The following RGS7 variants were observed in gnomAD, a reference collection of about 807,000 sequenced individuals.
RGS7 encodes regulator of G protein signaling 7, also known as regulator of G-protein signaling 7.
In RGS7, 27 loss-of-function variants were observed where a neutral mutation model predicts 81.1. That is an observed-to-expected ratio of 0.33 (90% CI 0.25 to 0.46). The LOEUF (loss-of-function observed/expected upper bound fraction) is 0.46. Ranked by LOEUF, RGS7 falls within the 20% of genes least tolerant of loss-of-function variation. The pLI, the probability that RGS7 is intolerant of heterozygous loss-of-function variation, is 1.00. For synonymous variants in RGS7, 208 were observed against 207.7 expected (o/e 1.00, Z -0.01); for missense variants, 396 against 607.4 (o/e 0.65, Z 3.66).
intron 2 of RGS7, among the ~76,000 whole-genome samples, chr1:241,180,461 T>A (rs1454970289): frequency 6.6e-6 from 1 of 152,126 alleles, no homozygotes; most frequent in Non-Finnish European, 1.5e-5. Flanking sequence ...TATGTGTGTG[T>A]TTTGTTCTTC....
chr1:241,353,576 A>G (rs1191168283), intron 2 of RGS7, among the ~76,000 whole-genome samples: 2 of 152,252 alleles, frequency 1.3e-5, no homozygotes, highest in Non-Finnish European at 2.9e-5. Context: ...AGTAAAATGT[A>G]CTGAAAGGAG....
chr1:240,868,103 GA>G lies in RGS7; in HGVS notation c.609+483del, dbSNP rs1323735515. On this transcript the variant is annotated intron_variant, in intron 9 of 18. Transcript: ENST00000440928. The surrounding 1 kb of genome is among the most constrained non-coding windows in gnomAD (Gnocchi z 5.1). ...GAAAGAAAAAGAAAGAAAAGAAAAAGAAAGAAAAGAAAAGGAAAGAAAGAAA... is the reference window on the plus strand; with the variant it reads ...GAAAGAAAAAGAAAGAAAAGAAAAAGAAGAAAAGAAAAGGAAAGAAAGAAA... 7.6e-6 allele frequency among the ~76,000 whole-genome samples: 1 copy of G among 131,444 alleles called. No homozygotes were observed. Among genetic ancestry groups the G allele is most frequent in the Admixed American group, 8.1e-5 (1 of 12,314 alleles). The allele number at this position is 131,444 out of a possible 152,430, so 86.2% of individuals were successfully genotyped here. A position where few individuals can be genotyped will look rare whatever the true frequency, so the allele number is the denominator to read the frequency against.
intron 13 of RGS7, among the ~76,000 whole-genome samples, chr1:240,812,777 A>C (rs1690093430): frequency 6.6e-6 from 1 of 152,156 alleles, no homozygotes; most frequent in South Asian, 2.1e-4. Flanking sequence ...ATGCAGGTAT[A>C]TTGAACTGGG....
At chr1:240,848,714 A>C (rs998340256) in intron 9 of RGS7, among the ~76,000 whole-genome samples, 1 of 152,110 alleles carries the variant, frequency 6.6e-6, no homozygotes, top group African/African-American at 2.4e-5. Flanking sequence ...TGAATAACAC[A>C]GAAGTTGGTA....
At position 240,983,184 on chromosome 1, in the gene RGS7, ATTAACT is replaced by A. The variant is rs1409315377; in HGVS notation, c.176-61_176-56del. The A allele has an allele frequency of 5.1e-6, 5 of 973,640 alleles. No individual in the cohort carries two copies. In the Admixed American group the frequency reaches 1.1e-4, roughly 22 times the overall value. 60.3% of individuals were successfully genotyped at this position (973,640 alleles called of 1,614,324 possible). ...AGATGTGAACATTTTGTTTATACAT[ATTAACT>A]TTAAGAATTCTCCACCTTTGGTGCT... On this transcript the variant is annotated intron_variant, in intron 3 of 18. Coordinates refer to ENST00000440928, the MANE Select transcript of RGS7 (RefSeq NM_001364886.1).
In RGS7 at chr1:241,355,705, G is replaced by A. The variant is rs1480905930; in HGVS notation, c.72C>T (p.Tyr24=). ...AAACTGAAGACATTCTTACCTTTCT[G>A]TACACCAGCATGTTGGGTGATTCAT... The part of the protein sequence containing the change: ...VADESPNMLV[Y]RKMEDVIARM... Residue 24 remains tyrosine, a synonymous_variant, in exon 2 of 19, where the codon TAC becomes TAT. Transcript: ENST00000440928. The A allele has an allele frequency of 1.2e-6, 2 of 1,613,864 alleles. No homozygotes were observed. The highest frequency in any genetic ancestry group is 1.1e-5 in the South Asian group (1 of 91,080).
At chr1:240,966,602 CA>C (rs953531029) in intron 4 of RGS7, among the ~76,000 whole-genome samples, 3 of 152,122 alleles carry the variant, frequency 2.0e-5, no homozygotes, top group Non-Finnish European at 4.4e-5. Flanking sequence ...GGAATAAAAG[CA>C]GCCTGTTTAG....
At chr1:240,920,353 G>GTGGA in intron 6 of RGS7, 1 of 1,535,944 alleles carries the variant, frequency 6.5e-7, no homozygotes. Context: ...TGTTGTGGTG[G>GTGGA]TGGATATGGT....
intron 6 of RGS7, among the ~76,000 whole-genome samples, chr1:240,899,302 T>C (rs1416500175): frequency 6.6e-6 from 1 of 152,206 alleles, no homozygotes; most frequent in African/African-American, 2.4e-5. Context: ...TTAATATTGT[T>C]ATGTGTGAAT....
At chr1:240,879,456 C>A (rs1666021705) in intron 6 of RGS7, among the ~76,000 whole-genome samples, 1 of 152,082 alleles carries the variant, frequency 6.6e-6, no homozygotes, top group Non-Finnish European at 1.5e-5. Flanking sequence ...GATACTTGTT[C>A]TTTTTACAGA....
intron 3 of RGS7, among the ~76,000 whole-genome samples, chr1:241,037,582 G>T (rs2060395213): frequency 6.6e-6 from 1 of 152,118 alleles, no homozygotes; most frequent in Admixed American, 6.5e-5. Flanking sequence ...TTAGCCAGGT[G>T]TGGTGGCAGG....
At chr1:241,176,492 A>AT (rs1016290237) in intron 2 of RGS7, among the ~76,000 whole-genome samples, 4 of 152,122 alleles carry the variant, frequency 2.6e-5, no homozygotes, top group African/African-American at 9.7e-5. Context: ...CTCTACACTC[A>AT]TTTTAGTTGC....
intron 2 of RGS7, among the ~76,000 whole-genome samples, chr1:241,242,386 T>C (rs936864887): frequency 2.0e-5 from 3 of 152,038 alleles, no homozygotes; most frequent in Non-Finnish European, 4.4e-5. Flanking sequence ...TTGATAGGCA[T>C]TTGGGTTGGT....
intron 9 of RGS7, among the ~76,000 whole-genome samples, chr1:240,835,070 T>G (rs536538383): frequency 6.6e-6 from 1 of 152,234 alleles, no homozygotes; most frequent in East Asian, 1.9e-4. Flanking sequence ...TTAGATACCC[T>G]ATCGAAGGCA....
At chr1:241,022,356 T>C (rs1414678608) in intron 3 of RGS7, among the ~76,000 whole-genome samples, 1 of 152,140 alleles carries the variant, frequency 6.6e-6, no homozygotes, top group Non-Finnish European at 1.5e-5. Context: ...AAAATAACAG[T>C]CCTTTCCCGC....
chr1:241,354,154 T>C (rs965406837), intron 2 of RGS7, among the ~76,000 whole-genome samples: 4 of 152,096 alleles, frequency 2.6e-5, no homozygotes, highest in African/African-American at 9.7e-5. Flanking sequence ...GAATTCAAAA[T>C]TCTCACAGCT....
At chr1:241,205,800 A>C (rs1194360456) in intron 2 of RGS7, among the ~76,000 whole-genome samples, 1 of 152,044 alleles carries the variant, frequency 6.6e-6, no homozygotes, top group African/African-American at 2.4e-5. Flanking sequence ...CTTAACTTTA[A>C]AGATGCTCCT....
intron 4 of RGS7, among the ~76,000 whole-genome samples, chr1:240,938,298 TTATC>T (rs1676980604): frequency 6.6e-6 from 1 of 152,176 alleles, no homozygotes; most frequent in Admixed American, 6.5e-5. Flanking sequence ...TTAGATTTAT[TTATC>T]TGTTTATGTA....
At chr1:241,068,604 G>C (rs943569185) in intron 3 of RGS7, among the ~76,000 whole-genome samples, 2 of 152,054 alleles carry the variant, frequency 1.3e-5, no homozygotes, top group Admixed American at 1.3e-4. Context: ...CTTGATCAAG[G>C]GAGTGTGGCA....
Sources: allele counts gnomAD v4.1 joint callset (sites outside exome capture counted in the v4.1 genomes callset), GRCh38; gene constraint gnomAD v4.1.1; non-coding constraint Gnocchi (gnomAD v3.1); transcripts MANE v1.5; gene names NCBI Gene and HGNC (gene_info 2026-07-23, HGNC 2026-07-21).